Variants in HPD observed in about 807,000 individuals in gnomAD.
The protein encoded by HPD is 4-hydroxyphenylpyruvic acid oxidase.
Under a neutral mutation model 56.9 loss-of-function variants are expected in HPD, and 35 were observed. That is an observed-to-expected ratio of 0.62 (90% confidence interval 0.47 to 0.82). The LOEUF (loss-of-function observed/expected upper bound fraction) is 0.82, where lower values mean the gene tolerates loss of function less well. Ranked by LOEUF, HPD falls within the 40% of genes least tolerant of loss-of-function variation. The probability of loss-of-function intolerance (pLI) is 0.00; values close to 1 mark genes in which losing one functional copy is unlikely to be tolerated. For missense variants in HPD, 442 were observed against 506.8 expected (o/e 0.87, Z 1.23); for synonymous variants, 186 against 200.2 (o/e 0.93, Z 0.60).
chr12:121,844,329 G>A (rs1452977612), intron 11 of HPD, among the ~76,000 whole-genome samples: 1 of 152,058 alleles, frequency 6.6e-6, no homozygotes, highest in East Asian at 1.9e-4. Context: ...ACAGGCGTGA[G>A]CCACTGAGCC....
intron 4 of HPD, 78 bp downstream of exon 4, chr12:121,857,250 T>G (rs1878034853): frequency 2.1e-6 from 2 of 971,532 alleles, no homozygotes; most frequent in African/African-American, 3.2e-5. Flanking sequence ...CAGCTAATTT[T>G]TCTATTTTTA....
chr12:121,869,430 CA>C, the HPD span, among the ~76,000 whole-genome samples: 1 of 151,194 alleles, frequency 6.6e-6, no homozygotes, highest in African/African-American at 2.4e-5. Context: ...CTCCTGGGCT[CA>C]GGGGGTCCTC....
At chr12:121,866,816 G>T (rs1878340564), upstream of HPD, among the ~76,000 whole-genome samples, 4 of 151,850 alleles carry the variant, frequency 2.6e-5, no homozygotes. Context: ...TATGAATTTT[G>T]AAAACATATA....
intron 9 of HPD, among the ~76,000 whole-genome samples, chr12:121,848,709 G>C (rs952377215): frequency 6.6e-6 from 1 of 152,066 alleles, no homozygotes; most frequent in Admixed American, 6.6e-5. Context: ...GGGTTCAAGC[G>C]ATTCTCCTGC....
chr12:121,879,373 A>G, the HPD span, among the ~76,000 whole-genome samples: 2 of 152,218 alleles, frequency 1.3e-5, no homozygotes, highest in African/African-American at 2.4e-5. Context: ...AGGAAAAAAA[A>G]GTAAAGAAAA....
chr12:121,870,413 CG>C, the HPD span, among the ~76,000 whole-genome samples: 1 of 150,142 alleles, frequency 6.7e-6, no homozygotes, highest in African/African-American at 2.4e-5. Context: ...GAGGCTGAGG[CG>C]GGAGAACCAC....
upstream of HPD, among the ~76,000 whole-genome samples, chr12:121,865,208 C>T (rs375570268): frequency 2.0e-5 from 3 of 152,058 alleles, no homozygotes; most frequent in Non-Finnish European, 4.4e-5. Flanking sequence ...TCGGAGGCTG[C>T]AGTGAGCTGA....
At chr12:121,876,895 A>T in the HPD span, among the ~76,000 whole-genome samples, 1 of 151,984 alleles carries the variant, frequency 6.6e-6, no homozygotes, top group Non-Finnish European at 1.5e-5. Flanking sequence ...GGAGTTCGAG[A>T]CCAGCCTGGC....
At chr12:121,859,951 G>A (rs1878133235), upstream of HPD, among the ~76,000 whole-genome samples, 1 of 152,174 alleles carries the variant, frequency 6.6e-6, no homozygotes, top group Admixed American at 6.6e-5. Flanking sequence ...TTGAGGCCAG[G>A]AGTTTGAGAC....
intron 7 of HPD, among the ~76,000 whole-genome samples, chr12:121,852,227 G>A (rs1162323073): frequency 6.6e-6 from 1 of 151,756 alleles, no homozygotes; most frequent in Non-Finnish European, 1.5e-5. Flanking sequence ...ACTTTGTTGC[G>A]CAGGCTGGTC....
chr12:121,853,115 A>T lies in HPD; in HGVS notation c.414+1588T>A, dbSNP rs928167803. Among the ~76,000 whole-genome samples, 7 of 152,198 alleles carry T rather than the reference A, an allele frequency of 4.6e-5. No homozygotes were observed. The South Asian group carries it at 1.2e-3, about 27-fold the overall frequency. On this transcript the variant is annotated intron_variant, in intron 7 of 13. Transcript: ENST00000289004. ...CTGCATGTTCTCACTTAGAAGTGAG[A>T]GCTAAATGATGAGAAAAGATGGACA...
chr12:121,862,989 CTT>C (rs557501617), upstream of HPD, among the ~76,000 whole-genome samples: 2 of 132,174 alleles, frequency 1.5e-5, no homozygotes, highest in African/African-American at 2.8e-5. Flanking sequence ...ACCCCCCCTC[CTT>C]TTTTTTTTTT....
the HPD span, among the ~76,000 whole-genome samples, chr12:121,880,793 T>G: frequency 6.6e-6 from 1 of 151,916 alleles, no homozygotes; most frequent in African/African-American, 2.4e-5. Flanking sequence ...TGCCAGGCAG[T>G]ATCTTATTAT....
At chr12:121,863,916 T>A (rs936007855), upstream of HPD, among the ~76,000 whole-genome samples, 11 of 152,014 alleles carry the variant, frequency 7.2e-5, no homozygotes, top group East Asian at 7.7e-4. Context: ...TATAAAAATG[T>A]TTTTCTGTGA....
At chr12:121,845,600 CA>C (rs368263414) in intron 11 of HPD, among the ~76,000 whole-genome samples, 48,553 of 92,700 alleles carry the variant, frequency 0.52, 9,731 homozygotes, top group East Asian at 0.74. Context: ...GGCTCCGTCT[CA>C]AAAAAAAAAA....
At chr12:121,850,440 T>C (rs1877728652) in intron 7 of HPD, among the ~76,000 whole-genome samples, 1 of 148,164 alleles carries the variant, frequency 6.7e-6, no homozygotes, top group Admixed American at 6.7e-5. Flanking sequence ...AAAAAAATTA[T>C]ACTGAAGAGT....
At chr12:121,879,260 A>G in the HPD span, among the ~76,000 whole-genome samples, 31 of 152,182 alleles carry the variant, frequency 2.0e-4, no homozygotes, top group African/African-American at 7.5e-4. Context: ...CTGGGCAACA[A>G]GAGGGAAAAT....
At chr12:121,843,220 A>T (rs1877465401) in intron 12 of HPD, among the ~76,000 whole-genome samples, 1 of 152,230 alleles carries the variant, frequency 6.6e-6, no homozygotes, top group Non-Finnish European at 1.5e-5. Flanking sequence ...AGATTCCTGA[A>T]TAATAGCTCA....
the HPD span, among the ~76,000 whole-genome samples, chr12:121,878,264 T>C: frequency 1.3e-5 from 2 of 152,228 alleles, no homozygotes; most frequent in Non-Finnish European, 2.9e-5. Flanking sequence ...AAGATGAGTA[T>C]ACATGGAGAA....
Sources: gnomAD v4.1 joint callset for allele counts (sites outside exome capture counted in the v4.1 genomes callset) on GRCh38, gnomAD v4.1.1 for gene constraint, MANE v1.5 for transcripts, NCBI Gene and HGNC (gene_info 2026-07-23, HGNC 2026-07-21) for gene names.